The following TRPC7 variants were observed in gnomAD, a reference collection of about 807,000 sequenced individuals.
The protein encoded by TRPC7 is transient receptor potential cation channel subfamily C member 7, also known as short transient receptor potential channel 7.
In TRPC7, 42 loss-of-function variants were observed where a neutral mutation model predicts 90.1. The ratio of observed to expected loss-of-function variants is 0.47; its 90% CI spans 0.36 to 0.60. The LOEUF (loss-of-function observed/expected upper bound fraction) is 0.60, where lower values mean the gene tolerates loss of function less well. TRPC7 is among the 20% of genes least tolerant of loss of function. TRPC7 has a pLI of 0.00. For synonymous variants in TRPC7, 451 were observed against 436.3 expected (o/e 1.03, Z -0.42); for missense variants, 955 against 1,112.3 (o/e 0.86, Z 2.01).
intron 7 of TRPC7, among the ~76,000 whole-genome samples, chr5:136,246,802 C>T (rs1756354506): frequency 6.6e-6 from 1 of 152,100 alleles, no homozygotes; most frequent in African/African-American, 2.4e-5. Flanking sequence ...TTTTTTACCA[C>T]ATATTGAGTT....
intron 3 of TRPC7, among the ~76,000 whole-genome samples, chr5:136,308,172 C>T (rs777141773): frequency 1.3e-5 from 2 of 152,228 alleles, no homozygotes; most frequent in Admixed American, 6.5e-5. Flanking sequence ...TCTTCTTTCT[C>T]TTCGGAAGAT....
intron 7 of TRPC7, among the ~76,000 whole-genome samples, chr5:136,246,020 G>A (rs568843337): frequency 6.6e-6 from 1 of 152,232 alleles, no homozygotes; most frequent in African/African-American, 2.4e-5. Context: ...ATCCTGCCCC[G>A]TGCCCATCCC....
At chr5:136,266,066 A>G (rs1233419471) in intron 5 of TRPC7, among the ~76,000 whole-genome samples, 154 bp downstream of exon 5, 2 of 152,208 alleles carry the variant, frequency 1.3e-5, no homozygotes, top group Admixed American at 1.3e-4. Flanking sequence ...TCTTAAAGAC[A>G]GAAGTTGACT....
At chr5:136,224,541 T>A (rs1210197820) in intron 10 of TRPC7, among the ~76,000 whole-genome samples, 1 of 152,188 alleles carries the variant, frequency 6.6e-6, no homozygotes, top group African/African-American at 2.4e-5. Flanking sequence ...GTGTATAGCA[T>A]CTGTCTGCTT....
intron 4 of TRPC7, among the ~76,000 whole-genome samples, chr5:136,274,029 C>A (rs1364967808): frequency 1.3e-5 from 2 of 152,176 alleles, no homozygotes; most frequent in Non-Finnish European, 2.9e-5. Context: ...AAATAACACT[C>A]CTTTTGAGCT....
intron 7 of TRPC7, among the ~76,000 whole-genome samples, chr5:136,243,724 G>A (rs1016200888): frequency 9.2e-5 from 14 of 151,742 alleles, no homozygotes; most frequent in Non-Finnish European, 2.1e-4. Flanking sequence ...GCACCGGAGA[G>A]CAGTCAAAAG....
At chr5:136,333,389 C>A (rs903535235) in intron 2 of TRPC7, among the ~76,000 whole-genome samples, 1 of 152,142 alleles carries the variant, frequency 6.6e-6, no homozygotes, top group African/African-American at 2.4e-5. Context: ...GGGAACTATG[C>A]AAGTAGATGT....
chr5:136,321,545 A>G (rs958178445), intron 2 of TRPC7, among the ~76,000 whole-genome samples: 1 of 152,228 alleles, frequency 6.6e-6, no homozygotes, highest in Non-Finnish European at 1.5e-5. Flanking sequence ...TGCTCAGGAT[A>G]GTTAATAATA....
At chr5:136,340,078 A>T (rs1204778712) in intron 2 of TRPC7, among the ~76,000 whole-genome samples, 1 of 152,224 alleles carries the variant, frequency 6.6e-6, no homozygotes, top group Non-Finnish European at 1.5e-5. Flanking sequence ...CTAAAAAGCC[A>T]TCAATGAATG....
At chr5:136,322,009 C>A (rs982093023) in intron 2 of TRPC7, among the ~76,000 whole-genome samples, 2 of 151,724 alleles carry the variant, frequency 1.3e-5, no homozygotes, top group African/African-American at 2.4e-5. Flanking sequence ...TATAAATATT[C>A]CTGTACAAGA....
chr5:136,245,952 C>T (rs1397494919), intron 7 of TRPC7, among the ~76,000 whole-genome samples: 1 of 152,212 alleles, frequency 6.6e-6, no homozygotes, highest in Non-Finnish European at 1.5e-5. Flanking sequence ...CTTCCACACT[C>T]TTCCACTAGA....
intron 2 of TRPC7, among the ~76,000 whole-genome samples, chr5:136,347,256 TCAAA>T (rs1161235481): frequency 6.6e-6 from 1 of 152,122 alleles, no homozygotes; most frequent in Non-Finnish European, 1.5e-5. Flanking sequence ...ACTCAGAAAC[TCAAA>T]CAACCACCCA....
At chr5:136,291,258 A>G (rs1441364317) in intron 3 of TRPC7, among the ~76,000 whole-genome samples, 1 of 152,216 alleles carries the variant, frequency 6.6e-6, no homozygotes, top group African/African-American at 2.4e-5. Flanking sequence ...ACCAGCTAAC[A>G]TCATAATGAA....
In TRPC7 at chr5:136,266,404, C is replaced by T; in HGVS notation, c.1161G>A (p.Lys387=). 6.2e-7 allele frequency: 1 copy of T among 1,613,780 alleles called. No homozygotes were observed. The highest frequency in any genetic ancestry group is 8.5e-7 in the Non-Finnish European group (1 of 1,179,780). Residue 387 remains lysine, a synonymous_variant, in exon 5 of 12, where the codon AAG becomes AAA. Transcript: ENST00000513104. The part of the protein sequence containing the change: ...LGRTLRSPFM[K]FVAHAVSFTI... Reference sequence around the variant, plus strand: ...TAAAAGAAACTGCATGAGCTACAAACTTCATGAAAGGGCTCCTCAGGGTTC... The same window carrying T: ...TAAAAGAAACTGCATGAGCTACAAATTTCATGAAAGGGCTCCTCAGGGTTC...
intron 10 of TRPC7, among the ~76,000 whole-genome samples, chr5:136,216,563 G>A (rs1755275964): frequency 6.9e-6 from 1 of 144,464 alleles, no homozygotes; most frequent in Non-Finnish European, 1.5e-5. Context: ...GAGAGAAAGG[G>A]TGGAGTGGGC....
chr5:136,351,956 G>T (rs1010857853), intron 2 of TRPC7, among the ~76,000 whole-genome samples: 1 of 152,136 alleles, frequency 6.6e-6, no homozygotes, highest in Non-Finnish European at 1.5e-5. Flanking sequence ...GTTAGTTCTT[G>T]CCCCCTATTC....
At chr5:136,286,183 G>A (rs1757710762) in intron 3 of TRPC7, among the ~76,000 whole-genome samples, 2 of 152,150 alleles carry the variant, frequency 1.3e-5, no homozygotes, top group Non-Finnish European at 2.9e-5. Flanking sequence ...CCACAAGTAG[G>A]AACTCTCACT....
chr5:136,232,568 A>C (rs1050830212), intron 7 of TRPC7, among the ~76,000 whole-genome samples: 4 of 152,366 alleles, frequency 2.6e-5, no homozygotes, highest in Non-Finnish European at 5.9e-5. Context: ...TAGATGCTGC[A>C]TGTGCCTTGA....
intron 3 of TRPC7, among the ~76,000 whole-genome samples, chr5:136,288,708 A>G (rs1248457274): frequency 2.0e-5 from 3 of 152,224 alleles, no homozygotes; most frequent in Non-Finnish European, 4.4e-5. Flanking sequence ...TTTAACACAC[A>G]GCCTTTGCTT....
Sources: gnomAD v4.1 joint callset for allele counts (sites outside exome capture counted in the v4.1 genomes callset) on GRCh38, gnomAD v4.1.1 for gene constraint, MANE v1.5 for transcripts, NCBI Gene and HGNC (gene_info 2026-07-23, HGNC 2026-07-21) for gene names.